Variants in PCDH17 observed in about 807,000 individuals in gnomAD.
The protein encoded by PCDH17 is protocadherin-17.
A neutral mutation model predicts 67.7 loss-of-function variants in PCDH17; 21 were observed. That is an observed-to-expected ratio of 0.31 (90% CI 0.22 to 0.45). The LOEUF (loss-of-function observed/expected upper bound fraction) is 0.45, where lower values mean the gene tolerates loss of function less well. Ranked by LOEUF, PCDH17 falls within the 20% of genes least tolerant of loss-of-function variation. PCDH17 has a pLI of 1.00. For missense variants in PCDH17, 1,471 were observed against 1,564.8 expected (o/e 0.94, Z 1.01); for synonymous variants, 701 against 656.7 (o/e 1.07, Z -1.03).
intron 1 of PCDH17, among the ~76,000 whole-genome samples, chr13:57,664,408 C>T (rs192785210): frequency 1.3e-5 from 2 of 152,166 alleles, no homozygotes; most frequent in African/African-American, 4.8e-5. Context: ...CATTTCTTAG[C>T]TTATGTTTCT....
chr13:57,710,520 A>G (rs1449760729), intron 3 of PCDH17, among the ~76,000 whole-genome samples: 2 of 151,902 alleles, frequency 1.3e-5, no homozygotes, highest in African/African-American at 2.4e-5. Context: ...ACACATTAAC[A>G]TTTGAAACAA....
rs762246138 is a variant in PCDH17 at position 57,634,923 on chromosome 13, A to C, written c.2377A>C (p.Thr793Pro). ...MNVVSSPSLA[T>P]SPMYFDYQTR... ...CGTGGTGAGCAGCCCCTCCCTGGCC[A>C]CCTCCCCCATGTACTTCGACTACCA... The change falls in exon 1 of 4, where the codon ACC (threonine) becomes CCC (proline). Residue 793 changes from threonine (T) to proline (P), a missense_variant. This residue lies in a region of PCDH17 where 1,163 missense variants were observed against 1,230.0 expected (regional missense o/e 0.95). Transcript: ENST00000377918. The surrounding 1 kb of genome is among the most constrained non-coding windows in gnomAD (Gnocchi z 7.8). 2.5e-6 allele frequency: 4 copies of C among 1,612,376 alleles called. No homozygotes were observed. The highest frequency in any genetic ancestry group is 3.4e-6 in the Non-Finnish European group (4 of 1,179,484).
Position 57,634,884 on chromosome 13 carries a change from A to G in PCDH17, c.2338A>G (p.Met780Val). Residue 780 changes from methionine to valine, a missense_variant, in exon 1 of 4, where the codon ATG becomes GTG. Around this residue, in one of 3 missense-constraint regions of PCDH17, gnomAD observed 1,163 missense variants for 1,230.0 expected, o/e 0.95. Coordinates refer to ENST00000377918, the MANE Select transcript of PCDH17 (RefSeq NM_001040429.3). This position sits in a 1 kb window ranked among gnomAD's most constrained non-coding sequence, Gnocchi z 7.8. The part of the protein sequence containing the change: ...VQSEVEERNA[M>V]NVMNVVSSPS... Reference sequence around the variant, plus strand: ...GAGCGAAGTGGAGGAGAGGAACGCCATGAACGTCATGAACGTGGTGAGCAG... The same window carrying G: ...GAGCGAAGTGGAGGAGAGGAACGCCGTGAACGTCATGAACGTGGTGAGCAG... The G allele has an allele frequency of 1.2e-6, 2 of 1,614,060 alleles. No individual in the cohort carries two copies. The highest frequency in any genetic ancestry group is 8.5e-7 in the Non-Finnish European group (1 of 1,180,000).
intron 1 of PCDH17, among the ~76,000 whole-genome samples, chr13:57,640,317 A>G (rs1023295791): frequency 1.3e-5 from 2 of 152,024 alleles, no homozygotes; most frequent in African/African-American, 4.8e-5. Context: ...ACATGCATTT[A>G]TTGCAGTGAA....
intron 3 of PCDH17, among the ~76,000 whole-genome samples, chr13:57,667,251 T>C (rs1955266238): frequency 6.6e-6 from 1 of 152,142 alleles, no homozygotes; most frequent in African/African-American, 2.4e-5. Context: ...CTCTTAGCAG[T>C]GCTTGTTGAT....
intron 1 of PCDH17, among the ~76,000 whole-genome samples, chr13:57,640,607 A>C (rs969661706): frequency 6.6e-6 from 1 of 152,044 alleles, no homozygotes; most frequent in Admixed American, 6.6e-5. Context: ...TAGTGACCCT[A>C]GAGCGGGGGG....
upstream of PCDH17, among the ~76,000 whole-genome samples, chr13:57,630,966 AGGGAGCTCCCC>A (rs1427732770): frequency 1.3e-5 from 2 of 152,060 alleles, no homozygotes; most frequent in Non-Finnish European, 2.9e-5. Flanking sequence ...ATCCCCTCGG[AGGGAGCTCCCC>A]GGGGTAGGAG....
chr13:57,651,557 C>A (rs1955039660), intron 1 of PCDH17, among the ~76,000 whole-genome samples: 1 of 151,828 alleles, frequency 6.6e-6, no homozygotes, highest in South Asian at 2.1e-4. Context: ...AGGCTGGTCT[C>A]AAACTCCAGG....
In PCDH17 at chr13:57,728,600, T is replaced by C. The variant is rs1034483506; in HGVS notation, c.*3306T>C. ...AGTGAGAATCTGTTAGTTATACGTA[T>C]ACCAAAGTAAACATTAAAGAGACAT... On this transcript the variant is annotated 3_prime_UTR_variant, in exon 4 of 4. Transcript: ENST00000377918. 1.3e-5 allele frequency: 2 copies of C among 150,042 alleles called. No homozygotes were observed. The highest frequency in any genetic ancestry group is 3.0e-5 in the Non-Finnish European group (2 of 67,552). 9.3% of individuals were successfully genotyped at this position (150,042 alleles called of 1,614,324 possible).
At chr13:57,649,517 T>G (rs1566220624) in intron 1 of PCDH17, among the ~76,000 whole-genome samples, 3 of 152,180 alleles carry the variant, frequency 2.0e-5, no homozygotes, top group African/African-American at 7.2e-5. Flanking sequence ...CATAAGACCA[T>G]GCATCTCTGC....
intron 1 of PCDH17, among the ~76,000 whole-genome samples, chr13:57,641,575 AAAAAAAAAAAAAAT>A (rs1159065812): frequency 8.5e-4 from 65 of 76,562 alleles, no homozygotes; most frequent in African/African-American, 2.7e-3. Flanking sequence ...AAAAAAAAAA[AAAAAAAAAAAAAAT>A]ATATATATAT....
At position 57,663,450 on chromosome 13, in the gene PCDH17, T is replaced by C. The variant is rs562669084; in HGVS notation, c.2566-3018T>C. On this transcript the variant is annotated intron_variant, in intron 1 of 3. Coordinates refer to ENST00000377918, the MANE Select transcript of PCDH17 (RefSeq NM_001040429.3). ...GTTGTAAAATATCTGAATACTCTTA[T>C]ACTTCTAATTAAATGGTGCTGTCAT... Among the ~76,000 whole-genome samples, 6 of 152,312 alleles carry C rather than the reference T, an allele frequency of 3.9e-5. No individual in the cohort carries two copies. In the East Asian group the frequency reaches 1.2e-3, roughly 29 times the overall value.
At chr13:57,724,467 G>T (rs1299866716) in intron 3 of PCDH17, 145 bp from the exon 4 acceptor site, 2 of 644,526 alleles carry the variant, frequency 3.1e-6, no homozygotes, top group Admixed American at 3.0e-5. Flanking sequence ...CAACCATCCT[G>T]AAATGTTTTA....
chr13:57,673,271 CT>C (rs1482320256), intron 3 of PCDH17, among the ~76,000 whole-genome samples: 1 of 151,938 alleles, frequency 6.6e-6, no homozygotes, highest in East Asian at 1.9e-4. Context: ...CTGTTTAATC[CT>C]AAACGTGTCC....
At chr13:57,667,043 A>T (rs562939698) in intron 3 of PCDH17, among the ~76,000 whole-genome samples, 1 of 152,168 alleles carries the variant, frequency 6.6e-6, no homozygotes, top group Non-Finnish European at 1.5e-5. Context: ...TCATTCATTA[A>T]TCCTAAAACA....
chr13:57,630,580 T>G (rs373428251), upstream of PCDH17, among the ~76,000 whole-genome samples: 5 of 152,020 alleles, frequency 3.3e-5, no homozygotes, highest in African/African-American at 1.2e-4. Context: ...ATAAACAAAA[T>G]AAATAAACCA....
Position 57,634,296 on chromosome 13 carries a change from G to C in PCDH17, c.1750G>C (p.Val584Leu), listed in dbSNP as rs1213529460. 2 of 1,613,086 alleles carry C rather than the reference G, an allele frequency of 1.2e-6. No individual in the cohort carries two copies. Among genetic ancestry groups the C allele is most frequent in the African/African-American group, 1.3e-5 (1 of 75,048 alleles). Residue 584 changes from valine to leucine, a missense_variant, in exon 1 of 4, where the codon GTG becomes CTG. Val to Leu is a conservative substitution (Grantham distance 32). Transcript: ENST00000377918. The surrounding 1 kb of genome is among the most constrained non-coding windows in gnomAD (Gnocchi z 7.8). ...LDVNDNAPVIVLPTLQNDTAE... is the reference protein window; with the variant it reads ...LDVNDNAPVILLPTLQNDTAE... Reference sequence around the variant, plus strand: ...CGTGAATGACAACGCGCCAGTGATCGTGCTCCCCACGCTGCAGAACGACAC... The same window carrying C: ...CGTGAATGACAACGCGCCAGTGATCCTGCTCCCCACGCTGCAGAACGACAC...
Position 57,727,972 on chromosome 13 carries a change from A to G in PCDH17, c.*2678A>G, listed in dbSNP as rs1349385802. On this transcript the variant is annotated 3_prime_UTR_variant, in exon 4 of 4. Transcript: ENST00000377918. ...ATGTGTCTGAGGACATTAAAACACCATAAGGTTGTAATAATTGGTTGTGCC... is the reference window on the plus strand; with the variant it reads ...ATGTGTCTGAGGACATTAAAACACCGTAAGGTTGTAATAATTGGTTGTGCC... The G allele has an allele frequency of 6.6e-6, 1 of 152,588 alleles. No individual in the cohort carries two copies. The highest frequency in any genetic ancestry group is 1.5e-5 in the Non-Finnish European group (1 of 67,986). The allele number at this position is 152,588 out of a possible 1,614,324, so 9.5% of individuals were successfully genotyped here.
chr13:57,681,512 G>C (rs1188886544), intron 3 of PCDH17, among the ~76,000 whole-genome samples: 3 of 151,676 alleles, frequency 2.0e-5, no homozygotes, highest in African/African-American at 7.2e-5. Flanking sequence ...TGCTTATATA[G>C]ATTACTTACC....
Sources: allele counts gnomAD v4.1 joint callset (sites outside exome capture counted in the v4.1 genomes callset), GRCh38; gene constraint gnomAD v4.1.1; regional missense constraint gnomAD v4.1.1; non-coding constraint Gnocchi (gnomAD v3.1); transcripts MANE v1.5; gene names NCBI Gene and HGNC (gene_info 2026-07-23, HGNC 2026-07-21).